GRM5: variants seen among roughly 807,000 people sequenced by gnomAD.
GRM5 encodes metabotropic glutamate receptor 5.
A neutral mutation model predicts 83.1 loss-of-function variants in GRM5; 19 were observed. That is an observed-to-expected ratio of 0.23 (90% confidence interval 0.16 to 0.34). The LOEUF (loss-of-function observed/expected upper bound fraction) is 0.34, where lower values mean the gene tolerates loss of function less well. Among genes scored for constraint, GRM5 ranks in the 10% least tolerant of loss-of-function variants. The probability of loss-of-function intolerance (pLI) is 1.00; values close to 1 mark genes in which losing one functional copy is unlikely to be tolerated. For synonymous variants in GRM5, 675 were observed against 633.6 expected, an observed-to-expected ratio of 1.07 and a Z score of -0.98; for missense variants, 1,160 against 1,588.3, an observed-to-expected ratio of 0.73 and a Z score of 4.58.
At chr11:88,868,009 C>A (rs1944701740) in intron 2 of GRM5, among the ~76,000 whole-genome samples, 3 of 151,938 alleles carry the variant, frequency 2.0e-5, no homozygotes. Context: ...TTGGAAAGGG[C>A]ATTGGCCTTT....
intron 3 of GRM5, among the ~76,000 whole-genome samples, chr11:88,665,465 C>T (rs922867580): frequency 1.3e-5 from 2 of 152,070 alleles, no homozygotes; most frequent in Admixed American, 6.6e-5. Flanking sequence ...AATATCCCCA[C>T]GACACTCAGA....
chr11:88,647,463 G>A (rs531753055), intron 4 of GRM5, among the ~76,000 whole-genome samples: 2 of 152,082 alleles, frequency 1.3e-5, no homozygotes, highest in Non-Finnish European at 2.9e-5. Flanking sequence ...TGATTCACTT[G>A]CTGATTCTGG....
At chr11:89,024,321 G>T (rs546174225) in intron 2 of GRM5, among the ~76,000 whole-genome samples, 30 of 152,242 alleles carry the variant, frequency 2.0e-4, no homozygotes, top group African/African-American at 5.8e-4. Flanking sequence ...TAGCCCTGCC[G>T]GGCCAGAGAT....
At chr11:89,023,914 A>G (rs1941059708) in intron 2 of GRM5, among the ~76,000 whole-genome samples, 1 of 150,838 alleles carries the variant, frequency 6.6e-6, no homozygotes, top group Admixed American at 6.6e-5. Flanking sequence ...TTTTAAAATA[A>G]TGATCTTAAT....
intron 3 of GRM5, among the ~76,000 whole-genome samples, chr11:88,721,735 A>C (rs1456487721): frequency 1.3e-5 from 2 of 152,082 alleles, no homozygotes; most frequent in Non-Finnish European, 2.9e-5. Flanking sequence ...TCAGTAATGA[A>C]GTTTTTATGC....
chr11:88,647,965 C>T (rs545565122), intron 4 of GRM5, among the ~76,000 whole-genome samples: 26 of 149,914 alleles, frequency 1.7e-4, no homozygotes, highest in Admixed American at 1.7e-3. Flanking sequence ...TGCCATCTCA[C>T]ACCAGTTAGA....
intron 2 of GRM5, among the ~76,000 whole-genome samples, chr11:89,017,598 A>C (rs1389934208): frequency 6.6e-6 from 1 of 152,196 alleles, no homozygotes; most frequent in Non-Finnish European, 1.5e-5. Context: ...ACTTACAAAA[A>C]AGGAAGCAGA....
chr11:89,017,317 A>G (rs1940882631), intron 2 of GRM5, among the ~76,000 whole-genome samples: 1 of 152,204 alleles, frequency 6.6e-6, no homozygotes, highest in Non-Finnish European at 1.5e-5. Flanking sequence ...TTTATGCCCT[A>G]CAAAATAAAC....
chr11:88,614,295 G>A (rs764087309), intron 4 of GRM5, among the ~76,000 whole-genome samples: 5 of 152,030 alleles, frequency 3.3e-5, no homozygotes, highest in African/African-American at 4.8e-5. Flanking sequence ...TCTTTTACAA[G>A]GATAATATGA....
At chr11:88,534,476 C>T (rs1023314176) in intron 8 of GRM5, among the ~76,000 whole-genome samples, 22 of 152,198 alleles carry the variant, frequency 1.4e-4, no homozygotes, top group African/African-American at 5.3e-4. Flanking sequence ...TACATGGGAC[C>T]TGTCACCCCT....
chr11:88,782,662 G>C (rs776191304), intron 3 of GRM5, among the ~76,000 whole-genome samples: 4 of 152,018 alleles, frequency 2.6e-5, no homozygotes, highest in Non-Finnish European at 5.9e-5. Flanking sequence ...TGTTATAAAT[G>C]AAGCTTTAAG....
chr11:88,740,567 C>T (rs1197399662), intron 3 of GRM5, among the ~76,000 whole-genome samples: 3 of 151,994 alleles, frequency 2.0e-5, no homozygotes, highest in African/African-American at 7.2e-5. Flanking sequence ...GAAGTTGAGA[C>T]ACAGGAGAAT....
chr11:88,597,204 A>G lies in GRM5; in HGVS notation c.1543T>C (p.Cys515Arg). The G allele has an allele frequency of 6.3e-7, 1 of 1,584,028 alleles. No individual in the cohort carries two copies. Among genetic ancestry groups the G allele is most frequent in the Non-Finnish European group, 8.6e-7 (1 of 1,167,990 alleles). The stretch of plus-strand genomic sequence containing the variant: ...TTTACCTTGATCTGGCCTTTCTCAC[A>G]TGGTTCACTGCACACAGATCTGATG... ...NIIRSVCSEP[C>R]EKGQIKVIRK... The change falls in exon 6 of 10, where the codon TGT (cysteine) becomes CGT (arginine). Residue 515 changes from cysteine to arginine, a missense_variant. Cys to Arg is a radical substitution (Grantham distance 180). Coordinates refer to ENST00000305447, the MANE Select transcript of GRM5 (RefSeq NM_001143831.3).
In GRM5 at chr11:88,884,676, G is replaced by A. The variant is rs541702392; in HGVS notation, c.662-34521C>T. 8.1e-4 allele frequency among the ~76,000 whole-genome samples: 123 copies of A among 152,316 alleles called. 1 individual carries two copies. The highest frequency in any genetic ancestry group is 2.7e-3 in the African/African-American group (113 of 41,582). On this transcript the variant is annotated intron_variant, in intron 2 of 9. Coordinates refer to ENST00000305447, the MANE Select transcript of GRM5 (RefSeq NM_001143831.3). ...TCCCATGTGTCATGAGAGGGACCCA[G>A]TGGGAGGTAACTGAATGATGAGGGT...
chr11:89,034,845 C>CTT (rs557239573), intron 2 of GRM5, among the ~76,000 whole-genome samples: 195 of 133,392 alleles, frequency 1.5e-3, no homozygotes, highest in South Asian at 2.8e-3. Flanking sequence ...CCCTCAAATC[C>CTT]TTTTTTTTTT....
intron 3 of GRM5, among the ~76,000 whole-genome samples, chr11:88,681,773 G>A (rs1179665107): frequency 6.6e-6 from 1 of 151,282 alleles, no homozygotes; most frequent in Non-Finnish European, 1.5e-5. Flanking sequence ...GTTTCACCAT[G>A]TTGGCCATGC....
intron 4 of GRM5, among the ~76,000 whole-genome samples, chr11:88,609,283 A>G (rs1182978397): frequency 6.6e-6 from 1 of 152,152 alleles, no homozygotes; most frequent in Non-Finnish European, 1.5e-5. Flanking sequence ...CACTCAGGAT[A>G]ATGGTTTTGG....
intron 2 of GRM5, among the ~76,000 whole-genome samples, chr11:88,854,173 G>T (rs1051100017): frequency 6.6e-6 from 1 of 151,010 alleles, no homozygotes; most frequent in South Asian, 2.1e-4. Flanking sequence ...ATTCATTTTT[G>T]TACCGCTAAT....
At chr11:89,051,839 G>T (rs1370668865) in intron 1 of GRM5, among the ~76,000 whole-genome samples, 1 of 152,200 alleles carries the variant, frequency 6.6e-6, no homozygotes, top group Admixed American at 6.5e-5. Flanking sequence ...ATCAATTGAA[G>T]AAATCTTATA....
Sources: allele counts gnomAD v4.1 joint callset (sites outside exome capture counted in the v4.1 genomes callset), GRCh38; gene constraint gnomAD v4.1.1; transcripts MANE v1.5; gene names NCBI Gene and HGNC (gene_info 2026-07-23, HGNC 2026-07-21).